The following BCOR variants were observed in gnomAD, a reference collection of about 807,000 sequenced individuals.
BCOR encodes BCL-6 corepressor.
In BCOR, 10 loss-of-function variants were observed where a neutral mutation model predicts 86.7. That is an observed-to-expected ratio of 0.12 (90% CI 0.07 to 0.20). The LOEUF (loss-of-function observed/expected upper bound fraction) is 0.20. Ranked by LOEUF, BCOR falls within the 10% of genes least tolerant of loss-of-function variation. The pLI is 1.00. For missense variants in BCOR, 1,259 were observed against 1,452.1 expected, an observed-to-expected ratio of 0.87 and a Z score of 2.16; for synonymous variants, 611 against 609.0, an observed-to-expected ratio of 1.00 and a Z score of -0.05.
At chrX:40,080,865 T>TGTGTGTG (rs1936061292) in intron 1 of BCOR, among the ~76,000 whole-genome samples, 1 of 52,971 alleles carries the variant, frequency 1.9e-5, no homozygotes, top group Non-Finnish European at 3.5e-5. Flanking sequence ...TGTGTGTGTG[T>TGTGTGTG]TTTGGGAGGG....
At chrX:40,154,214 GGCCTCTCTC>G (rs1329011827) in intron 1 of BCOR, among the ~76,000 whole-genome samples, 1 of 112,533 alleles carries the variant, frequency 8.9e-6, no homozygotes, top group African/African-American at 3.2e-5. Flanking sequence ...TCCTTGAGGC[GGCCTCTCTC>G]GCCTGGCCTG....
intron 1 of BCOR, among the ~76,000 whole-genome samples, chrX:40,105,916 T>G (rs1021679926): frequency 8.9e-6 from 1 of 112,444 alleles, no homozygotes; most frequent in Non-Finnish European, 1.9e-5. Context: ...AAAACCTGTT[T>G]TGGGAGCCTT....
intron 1 of BCOR, among the ~76,000 whole-genome samples, chrX:40,151,733 C>A (rs1938170785): frequency 8.9e-6 from 1 of 112,599 alleles, no homozygotes; most frequent in Admixed American, 9.3e-5. Flanking sequence ...GCGGTGGCGG[C>A]GGCGGCGGCT....
At chrX:40,102,642 C>G (rs908275012), upstream of BCOR, among the ~76,000 whole-genome samples, 12 of 113,777 alleles carry the variant, frequency 1.1e-4, no homozygotes, top group Non-Finnish European at 2.1e-4. Context: ...GTGCCGGCCT[C>G]CGGCCCCAGC....
Position 40,064,504 on chromosome X carries a change from C to T in BCOR, c.3334G>A (p.Val1112Met). ...VEKYFVERQP[V>M]SEPPADQVAS... ...ACCTGGTCTGCGGGAGGCTCGCTCACAGGCTGCCTCTCCACAAAGTACTTC... is the reference window on the plus strand; with the variant it reads ...ACCTGGTCTGCGGGAGGCTCGCTCATAGGCTGCCTCTCCACAAAGTACTTC... The change falls in exon 7 of 15, where the codon GTG becomes ATG. Residue 1112 changes from valine to methionine, a missense_variant. Val to Met is a conservative substitution (Grantham distance 21). Transcript: ENST00000378444. 2 of 1,212,320 alleles carry T rather than the reference C, an allele frequency of 1.6e-6. No homozygotes were observed. Among genetic ancestry groups the T allele is most frequent in the African/African-American group, 3.5e-5 (2 of 57,967 alleles).
At position 40,072,621 on chromosome X, in the gene BCOR, C is replaced by T; in HGVS notation, c.2725G>A (p.Gly909Ser). 1 of 1,212,076 alleles carries T rather than the reference C, an allele frequency of 8.3e-7. No individual in the cohort carries two copies. Among genetic ancestry groups the T allele is most frequent in the East Asian group, 3.0e-5 (1 of 33,867 alleles). The part of the protein sequence containing the change: ...PFLEPPLGSD[G>S]PAVTFGKTQE... ...GTTTTACCAAAAGTTACAGCAGGGCCATCGCTCCCCAGAGGTGGCTCCAGG... is the reference window on the plus strand; with the variant it reads ...GTTTTACCAAAAGTTACAGCAGGGCTATCGCTCCCCAGAGGTGGCTCCAGG... Residue 909 changes from glycine to serine, a missense_variant, in exon 4 of 15, where the codon GGC becomes AGC. Gly to Ser is a moderately conservative substitution (Grantham distance 56). Coordinates refer to ENST00000378444, the MANE Select transcript of BCOR (RefSeq NM_001123385.2).
intron 1 of BCOR, among the ~76,000 whole-genome samples, chrX:40,126,480 G>A (rs1380383428): frequency 9.2e-6 from 1 of 108,692 alleles, no homozygotes; most frequent in Non-Finnish European, 1.9e-5. Flanking sequence ...AGCCGAGATC[G>A]TGCCATTGCA....
intron 7 of BCOR, 63 bp from the exon 8 acceptor site, chrX:40,064,015 G>A: frequency 1.2e-5 from 4 of 345,277 alleles, no homozygotes; most frequent in Non-Finnish European, 2.0e-5. Context: ...ACTGTCTTAC[G>A]CATCACTAAT....
At chrX:40,096,044 C>G (rs1190520076) in intron 1 of BCOR, among the ~76,000 whole-genome samples, 1 of 112,563 alleles carries the variant, frequency 8.9e-6, no homozygotes, top group Non-Finnish European at 1.9e-5. Flanking sequence ...CGCGAGCCCC[C>G]GAGTTGGCGG....
At chrX:40,145,921 G>C (rs779494517) in intron 1 of BCOR, among the ~76,000 whole-genome samples, 22 of 111,775 alleles carry the variant, frequency 2.0e-4, no homozygotes, top group African/African-American at 7.2e-4. Flanking sequence ...GGCCTCTGTT[G>C]CCCGGCTATG....
intron 1 of BCOR, among the ~76,000 whole-genome samples, chrX:40,174,503 C>T (rs1938698921): frequency 8.9e-6 from 1 of 112,775 alleles, no homozygotes; most frequent in East Asian, 2.8e-4. Context: ...CACGTCTGGG[C>T]AGCCCCCTCC....
chrX:40,149,987 A>T (rs775402813), intron 1 of BCOR, among the ~76,000 whole-genome samples: 5 of 112,503 alleles, frequency 4.4e-5, no homozygotes, highest in Non-Finnish European at 9.4e-5. Context: ...AGGAAAGGGG[A>T]CGAGAAGGAG....
Position 40,052,019 on chromosome X carries a change from G to C in BCOR, c.*90C>G, listed in dbSNP as rs748512472. 5.3e-4 allele frequency: 434 copies of C among 826,008 alleles called. No homozygotes were observed. Among genetic ancestry groups the C allele is most frequent in the Non-Finnish European group, 6.8e-4 (413 of 604,426 alleles). 68.1% of individuals were successfully genotyped at this position (826,008 alleles called of 1,213,427 possible). ...AGAAGAGATATTTTCATATGTAATA[G>C]TGTCCTTTCTTTACAGAAATAGTTG... On this transcript the variant is annotated 3_prime_UTR_variant, in exon 15 of 15. Coordinates refer to ENST00000378444, the MANE Select transcript of BCOR (RefSeq NM_001123385.2).
chrX:40,080,046 A>G (rs1936004880), intron 1 of BCOR, among the ~76,000 whole-genome samples: 1 of 104,800 alleles, frequency 9.5e-6, no homozygotes, highest in Admixed American at 9.8e-5. Context: ...CCAAAGGGTC[A>G]CTCAACCAAA....
intron 1 of BCOR, among the ~76,000 whole-genome samples, chrX:40,150,790 G>A (rs913344280): frequency 1.2e-4 from 13 of 112,107 alleles, no homozygotes; most frequent in African/African-American, 3.9e-4. Flanking sequence ...ACCCACTAGC[G>A]AAAGTTCTAC....
chrX:40,133,529 G>A (rs1937626248), intron 1 of BCOR, among the ~76,000 whole-genome samples: 1 of 107,704 alleles, frequency 9.3e-6, no homozygotes, highest in Non-Finnish European at 1.9e-5. Flanking sequence ...GCGCTACCTC[G>A]GCTCACTGCA....
At chrX:40,084,714 C>G (rs1458090609) in intron 1 of BCOR, among the ~76,000 whole-genome samples, 1 of 81,693 alleles carries the variant, frequency 1.2e-5, no homozygotes, top group African/African-American at 1.0e-4. Context: ...CCCCCCCCCA[C>G]CACCACCACC....
intron 1 of BCOR, among the ~76,000 whole-genome samples, chrX:40,176,563 G>A (rs1938759124): frequency 1.8e-5 from 2 of 112,497 alleles, no homozygotes; most frequent in Admixed American, 9.2e-5. Context: ...CTCTCGCCCC[G>A]GGAGCCCGCT....
chrX:40,161,708 T>C (rs943967284), intron 1 of BCOR, among the ~76,000 whole-genome samples: 17 of 106,605 alleles, frequency 1.6e-4, no homozygotes, highest in Non-Finnish European at 2.3e-4. Context: ...AGAGATGGGG[T>C]TTCACCGTGT....
Sources: gnomAD v4.1 joint callset for allele counts (sites outside exome capture counted in the v4.1 genomes callset) on GRCh38, gnomAD v4.1.1 for gene constraint, MANE v1.5 for transcripts, NCBI Gene and HGNC (gene_info 2026-07-23, HGNC 2026-07-21) for gene names.